Variants in PDE4B observed in about 807,000 individuals in gnomAD.
PDE4B encodes the protein phosphodiesterase 4B.
In PDE4B, 20 loss-of-function variants were observed where a neutral mutation model predicts 82.2. That is an observed-to-expected ratio of 0.24 (90% CI 0.17 to 0.35). PDE4B has a LOEUF of 0.35. PDE4B is among the 10% of genes least tolerant of loss of function. The pLI is 1.00. For synonymous variants in PDE4B, 320 were observed against 318.9 expected, an observed-to-expected ratio of 1.00 and a Z score of -0.04; for missense variants, 655 against 907.2, an observed-to-expected ratio of 0.72 and a Z score of 3.57.
At chr1:66,000,798 G>T (rs1265327922) in intron 3 of PDE4B, among the ~76,000 whole-genome samples, 1 of 152,204 alleles carries the variant, frequency 6.6e-6, no homozygotes, top group Non-Finnish European at 1.5e-5. Context: ...AAACTATGCA[G>T]ATTGGAAGTC....
intron 3 of PDE4B, among the ~76,000 whole-genome samples, chr1:65,946,117 A>G (rs1006907828): frequency 2.6e-5 from 4 of 152,034 alleles, no homozygotes; most frequent in Admixed American, 2.6e-4. Context: ...TCAACAGGTC[A>G]CAGGAAACCC....
intron 8 of PDE4B, among the ~76,000 whole-genome samples, chr1:66,340,226 A>G (rs1289855807): frequency 1.3e-5 from 2 of 152,166 alleles, no homozygotes; most frequent in African/African-American, 4.8e-5. Flanking sequence ...CAAACTGTTT[A>G]GTCTCTTGTG....
intron 3 of PDE4B, among the ~76,000 whole-genome samples, chr1:66,082,142 C>T (rs926852044): frequency 6.6e-6 from 1 of 152,080 alleles, no homozygotes; most frequent in African/African-American, 2.4e-5. Flanking sequence ...CAAATCCCAG[C>T]ATTGATTAAC....
chr1:65,801,167 G>T (rs1041721460), intron 1 of PDE4B, among the ~76,000 whole-genome samples: 5 of 152,144 alleles, frequency 3.3e-5, no homozygotes, highest in African/African-American at 1.2e-4. Context: ...GGATGATCCT[G>T]TGAGTGGCCA....
intron 7 of PDE4B, among the ~76,000 whole-genome samples, chr1:66,321,247 C>T (rs914071697): frequency 6.6e-6 from 1 of 152,192 alleles, no homozygotes. Context: ...AATACACTAA[C>T]AAAATTACAT....
chr1:66,184,158 GAC>G (rs1446196772), intron 3 of PDE4B, among the ~76,000 whole-genome samples: 7 of 152,046 alleles, frequency 4.6e-5, no homozygotes, highest in Non-Finnish European at 7.4e-5. Context: ...ATAATAATGA[GAC>G]ATTTAAATGC....
intron 3 of PDE4B, among the ~76,000 whole-genome samples, chr1:66,118,812 G>T (rs547425451): frequency 6.6e-6 from 1 of 151,746 alleles, no homozygotes; most frequent in African/African-American, 2.4e-5. Context: ...TGTTCCTAAC[G>T]TGCCCTATTT....
chr1:66,246,153 G>A (rs1267879427), intron 3 of PDE4B, among the ~76,000 whole-genome samples: 3 of 152,176 alleles, frequency 2.0e-5, no homozygotes, highest in Non-Finnish European at 4.4e-5. Flanking sequence ...CAAGTTACTA[G>A]CCTATGACTC....
rs556654225 is a variant in PDE4B at position 66,229,919 on chromosome 1, A to G, written c.282-17541A>G. Reference sequence around the variant, plus strand: ...TTAGCTAGCAAATGACAGAGCTTCTATTCAAACTCAGGTCTGCCTCAAGCC... The same window carrying G: ...TTAGCTAGCAAATGACAGAGCTTCTGTTCAAACTCAGGTCTGCCTCAAGCC... On this transcript the variant is annotated intron_variant, in intron 3 of 16. Transcript: ENST00000341517. 7.9e-5 allele frequency among the ~76,000 whole-genome samples: 12 copies of G among 152,320 alleles called. No individual in the cohort carries two copies. The South Asian group carries it at 1.0e-3, about 13-fold the overall frequency.
At position 65,903,280 on chromosome 1, in the gene PDE4B, A is replaced by G. The variant is rs527827913; in HGVS notation, c.-70-9965A>G. ...TTCCTTCTGGCCTCTCATTTCCTGC[A>G]TATCAAATGTATTAGGTGCTTGTCA... On this transcript the variant is annotated intron_variant, in intron 1 of 16. Transcript: ENST00000341517. Among the ~76,000 whole-genome samples the G allele has an allele frequency of 2.1e-4, 32 of 152,280 alleles. No homozygotes were observed. The South Asian group carries it at 6.4e-3, about 31-fold the overall frequency.
intron 6 of PDE4B, among the ~76,000 whole-genome samples, chr1:66,259,197 C>T (rs1263149367): frequency 6.6e-6 from 1 of 152,090 alleles, no homozygotes; most frequent in African/African-American, 2.4e-5. Flanking sequence ...TTATTTAGTA[C>T]ATACCATCCA....
At chr1:65,819,660 G>A (rs576209953) in intron 1 of PDE4B, among the ~76,000 whole-genome samples, 22 of 151,878 alleles carry the variant, frequency 1.4e-4, no homozygotes, top group African/African-American at 4.8e-4. Flanking sequence ...CCACCGCGGC[G>A]GGCTATTTTT....
At chr1:66,274,692 G>A (rs1655749915) in intron 7 of PDE4B, among the ~76,000 whole-genome samples, 1 of 152,138 alleles carries the variant, frequency 6.6e-6, no homozygotes, top group Admixed American at 6.5e-5. Context: ...TTGGTTGTAA[G>A]GATTAAATAT....
chr1:66,091,060 C>T (rs1645013237), intron 3 of PDE4B, among the ~76,000 whole-genome samples: 1 of 151,872 alleles, frequency 6.6e-6, no homozygotes, highest in Admixed American at 6.6e-5. Flanking sequence ...TTGACAGCAC[C>T]CTGTTGTGGC....
chr1:66,096,221 A>G (rs1645111050), intron 3 of PDE4B, among the ~76,000 whole-genome samples: 1 of 151,636 alleles, frequency 6.6e-6, no homozygotes. Flanking sequence ...TTTCACTTCT[A>G]TAAGATCAAC....
At chr1:65,833,758 G>C (rs1334023064) in intron 1 of PDE4B, among the ~76,000 whole-genome samples, 2 of 152,112 alleles carry the variant, frequency 1.3e-5, no homozygotes, top group Non-Finnish European at 2.9e-5. Context: ...TGTCTAGCTA[G>C]CAGTGTACTG....
chr1:65,998,506 T>G (rs1174431652), intron 3 of PDE4B, among the ~76,000 whole-genome samples: 1 of 151,892 alleles, frequency 6.6e-6, no homozygotes, highest in East Asian at 1.9e-4. Flanking sequence ...AGAGAATGGA[T>G]TAGAGGACAA....
At chr1:65,989,491 A>AAAAAT (rs1271918989) in intron 3 of PDE4B, among the ~76,000 whole-genome samples, 3 of 152,184 alleles carry the variant, frequency 2.0e-5, no homozygotes, top group East Asian at 3.8e-4. Flanking sequence ...ACACTGTCTA[A>AAAAAT]AAAATAAAAT....
intron 7 of PDE4B, among the ~76,000 whole-genome samples, chr1:66,312,276 A>G (rs72674133): frequency 6.6e-6 from 1 of 152,324 alleles, no homozygotes; most frequent in Non-Finnish European, 1.5e-5. Context: ...GTTTCCTATT[A>G]CTGCAATAAA....
Sources: allele counts gnomAD v4.1 joint callset (sites outside exome capture counted in the v4.1 genomes callset), GRCh38; gene constraint gnomAD v4.1.1; transcripts MANE v1.5; gene names NCBI Gene and HGNC (gene_info 2026-07-23, HGNC 2026-07-21).